The following TMX3 variants were observed in gnomAD, a reference collection of about 807,000 sequenced individuals.
TMX3 encodes the protein protein disulfide-isomerase TMX3.
A neutral mutation model predicts 64.4 loss-of-function variants in TMX3; 40 were observed. The ratio of observed to expected loss-of-function variants is 0.62; its 90% CI spans 0.48 to 0.81. The LOEUF (loss-of-function observed/expected upper bound fraction) is 0.81, where lower values mean the gene tolerates loss of function less well. Ranked by LOEUF, TMX3 falls within the 30% of genes least tolerant of loss-of-function variation. The pLI, the probability that TMX3 is intolerant of heterozygous loss-of-function variation, is 0.00. For synonymous variants in TMX3, 189 were observed against 175.7 expected (o/e 1.08, Z -0.60); for missense variants, 497 against 534.5 (o/e 0.93, Z 0.69).
In TMX3 at chr18:68,687,685, A is replaced by G. The variant is rs752638889; in HGVS notation, c.718T>C (p.Tyr240His). The G allele has an allele frequency of 2.5e-6, 4 of 1,611,702 alleles. No individual in the cohort carries two copies. The highest frequency in any genetic ancestry group is 1.1e-5 in the South Asian group (1 of 90,696). ...NYLAMDGFLLYELGDTGKLVA... is the reference protein window; with the variant it reads ...NYLAMDGFLLHELGDTGKLVA... ...TTGTTACCTGTGTCTCCAAGTTCAT[A>G]CAAGAGGAAGCCATCCATAGCAAGG... Residue 240 changes from tyrosine (Y) to histidine (H), a missense_variant, in exon 10 of 16, where the codon TAT (tyrosine) becomes CAT (histidine). This residue lies in a region of TMX3 where 360 missense variants were observed against 383.5 expected (regional missense o/e 0.94). Coordinates refer to ENST00000299608, the MANE Select transcript of TMX3 (RefSeq NM_019022.5).
intron 10 of TMX3, 72 bp downstream of exon 10, chr18:68,687,595 A>C: frequency 1.3e-6 from 2 of 1,538,320 alleles, no homozygotes; most frequent in Non-Finnish European, 1.7e-6. Context: ...TTCATTTCCT[A>C]CAAAATAAGA....
intron 10 of TMX3, among the ~76,000 whole-genome samples, chr18:68,686,318 T>C (rs1041204436): frequency 6.6e-6 from 1 of 152,180 alleles, no homozygotes; most frequent in Non-Finnish European, 1.5e-5. Context: ...AAGCCACCTG[T>C]TTTAATCACC....
intron 5 of TMX3, chr18:68,700,688 A>G: frequency 1.1e-6 from 1 of 947,508 alleles, no homozygotes; most frequent in African/African-American, 1.8e-5. Context: ...GCTGTATTCT[A>G]TTAAAATTAC....
At chr18:68,697,683 C>G (rs1915228107) in intron 7 of TMX3, 1 of 423,684 alleles carries the variant, frequency 2.4e-6, no homozygotes, top group African/African-American at 2.0e-5. Context: ...CTTAAATAAC[C>G]AGGTTAATAA....
At position 68,680,954 on chromosome 18, in the gene TMX3, T is replaced by G; in HGVS notation, c.1035+27A>C. On this transcript the variant is annotated intron_variant, in intron 14 of 15. Coordinates refer to ENST00000299608, the MANE Select transcript of TMX3 (RefSeq NM_019022.5). Reference sequence around the variant, plus strand: ...TCTCCTCTACCCCCTGTCCATCATCTCTTTGAAACAGAAGTGAACAACTTA... The same window carrying G: ...TCTCCTCTACCCCCTGTCCATCATCGCTTTGAAACAGAAGTGAACAACTTA... 4 of 1,544,840 alleles carry G rather than the reference T, an allele frequency of 2.6e-6. No homozygotes were observed. The South Asian group carries it at 5.2e-5, about 20-fold the overall frequency.
chr18:68,686,648 A>G (rs1250464599), intron 10 of TMX3: 2 of 797,326 alleles, frequency 2.5e-6, no homozygotes, highest in African/African-American at 3.8e-5. Context: ...TGGAGGTTGC[A>G]GTGAGCCAAG....
chr18:68,699,743 C>T (rs150880969), intron 6 of TMX3, among the ~76,000 whole-genome samples: 2 of 152,050 alleles, frequency 1.3e-5, no homozygotes, highest in African/African-American at 4.8e-5. Flanking sequence ...TCTTTATATC[C>T]CATCAAAATG....
At chr18:68,681,472 C>CT in intron 13 of TMX3, 1 of 985,140 alleles carries the variant, frequency 1.0e-6, no homozygotes, top group Non-Finnish European at 1.2e-6. Context: ...TGTATAGATA[C>CT]TTTTTTTCTC....
chr18:68,684,725 G>T (rs918544833), intron 10 of TMX3, among the ~76,000 whole-genome samples: 6 of 152,050 alleles, frequency 3.9e-5, no homozygotes, highest in African/African-American at 7.2e-5. Context: ...ATAAATAAGA[G>T]TAAATATGTA....
chr18:68,708,545 T>C (rs1001276872), intron 4 of TMX3, among the ~76,000 whole-genome samples: 9 of 152,144 alleles, frequency 5.9e-5, no homozygotes, highest in Non-Finnish European at 8.8e-5. Context: ...GTTTCCATTG[T>C]ACTCTACTGT....
chr18:68,679,377 C>T, intron 15 of TMX3, 86 bp downstream of exon 15: 1 of 1,101,896 alleles, frequency 9.1e-7, no homozygotes, highest in Non-Finnish European at 1.3e-6. Context: ...TTGACCTAAT[C>T]TTTTCAAATT....
chr18:68,700,756 T>C, intron 5 of TMX3: 1 of 984,764 alleles, frequency 1.0e-6, no homozygotes. Flanking sequence ...TTCTGAAAAA[T>C]AATCTACACA....
intron 2 of TMX3, among the ~76,000 whole-genome samples, chr18:68,712,031 A>C (rs1269767084): frequency 6.6e-6 from 1 of 152,144 alleles, no homozygotes; most frequent in East Asian, 1.9e-4. Flanking sequence ...TGACGAGCCC[A>C]TTGTTTCACC....
intron 10 of TMX3, chr18:68,686,716 A>C: frequency 1.0e-6 from 1 of 985,256 alleles, no homozygotes; most frequent in African/African-American, 1.7e-5. Flanking sequence ...AAAAAAAAAA[A>C]AATCAGAAAG....
intron 13 of TMX3, among the ~76,000 whole-genome samples, chr18:68,682,075 G>A (rs567729042): frequency 1.4e-4 from 21 of 152,156 alleles, no homozygotes; most frequent in Non-Finnish European, 2.6e-4. Flanking sequence ...GGAAGGTGAG[G>A]ATGGGAAAGT....
Position 68,684,261 on chromosome 18 carries a change from T to C in TMX3, c.795-18A>G. The C allele has an allele frequency of 1.2e-6, 2 of 1,600,192 alleles. No individual in the cohort carries two copies. The highest frequency in any genetic ancestry group is 1.7e-6 in the Non-Finnish European group (2 of 1,169,226). Reference sequence around the variant, plus strand: ...ACTTCAATCTGTAGAAGAACAAACATATGAATAGTTCATCTCTGCACTTGA... The same window carrying C: ...ACTTCAATCTGTAGAAGAACAAACACATGAATAGTTCATCTCTGCACTTGA... On this transcript the variant is annotated intron_variant, in intron 11 of 15. Coordinates refer to ENST00000299608, the MANE Select transcript of TMX3 (RefSeq NM_019022.5).
chr18:68,682,132 G>T (rs1321382034), intron 13 of TMX3, among the ~76,000 whole-genome samples: 1 of 152,102 alleles, frequency 6.6e-6, no homozygotes, highest in Non-Finnish European at 1.5e-5. Flanking sequence ...ATACAGTTCT[G>T]TAACTAACAT....
At chr18:68,710,536 T>C (rs1183195222) in intron 3 of TMX3, among the ~76,000 whole-genome samples, 2 of 149,878 alleles carry the variant, frequency 1.3e-5, no homozygotes, top group East Asian at 1.9e-4. Context: ...TCTACTTCTA[T>C]TACAAAAATG....
rs185467923 is a variant in TMX3 at position 68,697,775 on chromosome 18, T to C, written c.492+157A>G. On this transcript the variant is annotated intron_variant, in intron 7 of 15. Coordinates refer to ENST00000299608, the MANE Select transcript of TMX3 (RefSeq NM_019022.5). ...ATATAGGAAAACATGACAGAAGGTA[T>C]AGAAGGAAGTGTTTTTATTATAAGA... 7 of 551,522 alleles carry C rather than the reference T, an allele frequency of 1.3e-5. No individual in the cohort carries two copies. In the East Asian group the frequency reaches 1.5e-4, roughly 12 times the overall value. The allele number at this position is 551,522 out of a possible 1,614,324, so 34.2% of individuals were successfully genotyped here. A position where few individuals can be genotyped will look rare whatever the true frequency, so the allele number is the denominator to read the frequency against.
Sources: allele counts gnomAD v4.1 joint callset (sites outside exome capture counted in the v4.1 genomes callset), GRCh38; gene constraint gnomAD v4.1.1; regional missense constraint gnomAD v4.1.1; transcripts MANE v1.5; gene names NCBI Gene and HGNC (gene_info 2026-07-23, HGNC 2026-07-21).